The following NSMCE2 variants were observed in gnomAD, a reference collection of about 807,000 sequenced individuals.
NSMCE2 encodes the protein E3 SUMO-protein ligase NSE2.
In NSMCE2, 24 loss-of-function variants were observed where a neutral mutation model predicts 23.8. The ratio of observed to expected loss-of-function variants is 1.01; its 90% CI spans 0.73 to 1.42. The LOEUF is 1.42. NSMCE2 is among the 40% of genes most tolerant of loss of function. NSMCE2 has a pLI of 0.00. For synonymous variants in NSMCE2, 92 were observed against 94.1 expected (o/e 0.98, Z 0.13); for missense variants, 284 against 296.5 (o/e 0.96, Z 0.31).
Position 125,291,749 on chromosome 8 carries a change from A to G in NSMCE2, c.419-65470A>G, listed in dbSNP as rs1030210658. Among the ~76,000 whole-genome samples, 87 of 152,236 alleles carry G rather than the reference A, an allele frequency of 5.7e-4. 1 individual carries two copies. Among genetic ancestry groups the G allele is most frequent in the Admixed American group, 5.6e-3 (86 of 15,276 alleles). On this transcript the variant is annotated intron_variant, in intron 5 of 7. Transcript: ENST00000287437. ...AGTATCTAATAGTGTTTCCAGAACT[A>G]TTCTGGAAGCAAGCCAGATCTCGTA...
In NSMCE2 at chr8:125,340,023, T is replaced by G. The variant is rs564735923; in HGVS notation, c.419-17196T>G. Among the ~76,000 whole-genome samples the G allele has an allele frequency of 5.4e-4, 78 of 144,560 alleles. 1 individual carries two copies. The highest frequency in any genetic ancestry group is 1.9e-3 in the African/African-American group (76 of 39,096). 94.8% of individuals were successfully genotyped at this position (144,560 alleles called of 152,430 possible). On this transcript the variant is annotated intron_variant, in intron 5 of 7. Coordinates refer to ENST00000287437, the MANE Select transcript of NSMCE2 (RefSeq NM_173685.4). ...TGTAGTTTTTTTTTGTTTTTTTTTT[T>G]TTTTTTTTTGAGACGGAGTCTCGCT... is the stretch of plus-strand genomic sequence containing the variant.
chr8:125,277,469 C>T (rs1827500773), intron 5 of NSMCE2, among the ~76,000 whole-genome samples: 1 of 150,906 alleles, frequency 6.6e-6, no homozygotes. Context: ...TAAGTGTTTG[C>T]ACAAAGGTAA....
chr8:125,121,757 T>C (rs931535549), intron 3 of NSMCE2, among the ~76,000 whole-genome samples: 13 of 152,298 alleles, frequency 8.5e-5, no homozygotes, highest in East Asian at 7.7e-4. Flanking sequence ...TGTGTATTCA[T>C]TCATTTAATC....
chr8:125,349,929 A>G (rs571387362), intron 5 of NSMCE2, among the ~76,000 whole-genome samples: 1 of 152,322 alleles, frequency 6.6e-6, no homozygotes, highest in Non-Finnish European at 1.5e-5. Flanking sequence ...AAAACCTATA[A>G]AATCATCATT....
chr8:125,116,207 A>T (rs1160181768), intron 3 of NSMCE2, among the ~76,000 whole-genome samples: 1 of 152,230 alleles, frequency 6.6e-6, no homozygotes, highest in Non-Finnish European at 1.5e-5. Context: ...TATTTTACAA[A>T]TGACAAAACT....
intron 5 of NSMCE2, among the ~76,000 whole-genome samples, chr8:125,262,363 G>T (rs530273484): frequency 6.6e-6 from 1 of 152,238 alleles, no homozygotes; most frequent in East Asian, 1.9e-4. Context: ...GGCAGAGCTT[G>T]CAGTGAGCAG....
chr8:125,344,251 T>TACCTCA (rs1387105173), intron 5 of NSMCE2, among the ~76,000 whole-genome samples: 1 of 152,302 alleles, frequency 6.6e-6, no homozygotes, highest in Non-Finnish European at 1.5e-5. Context: ...CAGTCCTACT[T>TACCTCA]ACCTCATCAA....
intron 5 of NSMCE2, among the ~76,000 whole-genome samples, chr8:125,263,240 A>G (rs1826774319): frequency 6.6e-6 from 1 of 152,242 alleles, no homozygotes; most frequent in Non-Finnish European, 1.5e-5. Flanking sequence ...GCGATTGAAT[A>G]TAAATCATTA....
chr8:125,243,418 G>A (rs1825833220), intron 5 of NSMCE2, among the ~76,000 whole-genome samples: 1 of 151,956 alleles, frequency 6.6e-6, no homozygotes, highest in Non-Finnish European at 1.5e-5. Flanking sequence ...AGATCCAAAA[G>A]GATCTGTTCC....
intron 5 of NSMCE2, among the ~76,000 whole-genome samples, chr8:125,234,158 T>A (rs892959396): frequency 6.6e-6 from 1 of 151,546 alleles, no homozygotes; most frequent in Non-Finnish European, 1.5e-5. Context: ...CTGCCACTGC[T>A]CTCCAGCCTG....
rs1563780333 is a variant in NSMCE2, at chr8:125,316,755, C to CCT, written c.419-40463_419-40462dup. On this transcript the variant is annotated intron_variant, in intron 5 of 7. Transcript: ENST00000287437. ...CTTTTCCTTCCTTCCTTCCTTCCTT[C>CCT]CTTCCTTCCTTCCTTCTCTCTCTCT... Among the ~76,000 whole-genome samples, 7 of 143,172 alleles carry CCT rather than the reference C, an allele frequency of 4.9e-5. No individual in the cohort carries two copies. The East Asian group carries it at 7.9e-4, about 16-fold the overall frequency. 93.9% of individuals were successfully genotyped at this position (143,172 alleles called of 152,430 possible).
At chr8:125,155,960 A>G (rs749403392) in intron 4 of NSMCE2, 20 of 453,664 alleles carry the variant, frequency 4.4e-5, no homozygotes, top group Non-Finnish European at 8.9e-5. Flanking sequence ...TTACTGTCAT[A>G]TATATTTAGC....
At chr8:125,312,602 G>A (rs1829013726) in intron 5 of NSMCE2, among the ~76,000 whole-genome samples, 1 of 152,194 alleles carries the variant, frequency 6.6e-6, no homozygotes, top group Non-Finnish European at 1.5e-5. Context: ...TCCAGCCGAG[G>A]CTACAGAGTG....
intron 3 of NSMCE2, among the ~76,000 whole-genome samples, chr8:125,105,677 G>C (rs1208471935): frequency 2.0e-5 from 3 of 152,156 alleles, no homozygotes; most frequent in Admixed American, 6.5e-5. Flanking sequence ...CGCTGTTGTA[G>C]TGCAAAACCC....
chr8:125,176,551 G>T (rs1822504456), intron 4 of NSMCE2, among the ~76,000 whole-genome samples: 1 of 152,048 alleles, frequency 6.6e-6, no homozygotes, highest in Admixed American at 6.6e-5. Context: ...CTCCAAGTGG[G>T]TGTCTTTATG....
intron 3 of NSMCE2, among the ~76,000 whole-genome samples, chr8:125,138,042 A>G (rs562482119): frequency 3.3e-5 from 5 of 152,350 alleles, no homozygotes; most frequent in East Asian, 1.9e-4. Flanking sequence ...GATGAATTAG[A>G]TAAGATTGAA....
intron 3 of NSMCE2, among the ~76,000 whole-genome samples, chr8:125,110,762 GTTTTTTTT>G (rs1017002301): frequency 4.8e-5 from 2 of 41,826 alleles, no homozygotes; most frequent in African/African-American, 2.1e-4. Flanking sequence ...GGTTGTTGTT[GTTTTTTTT>G]TTTTTTTTTT....
chr8:125,251,636 C>T (rs1826201489), intron 5 of NSMCE2, among the ~76,000 whole-genome samples: 2 of 152,088 alleles, frequency 1.3e-5, no homozygotes, highest in Non-Finnish European at 2.9e-5. Context: ...TCAATAATAG[C>T]AAAAATAGCA....
At chr8:125,116,197 T>C (rs1381040058) in intron 3 of NSMCE2, among the ~76,000 whole-genome samples, 3 of 152,226 alleles carry the variant, frequency 2.0e-5, no homozygotes, top group African/African-American at 7.2e-5. Context: ...ATATGAATTC[T>C]ATTTTACAAA....
Sources: gnomAD v4.1 joint callset for allele counts (sites outside exome capture counted in the v4.1 genomes callset) on GRCh38, gnomAD v4.1.1 for gene constraint, MANE v1.5 for transcripts, NCBI Gene and HGNC (gene_info 2026-07-23, HGNC 2026-07-21) for gene names.